Variants in NELL1 observed in about 807,000 individuals in gnomAD.
NELL1 encodes protein kinase C-binding protein NELL1.
Under a neutral mutation model 107.4 loss-of-function variants are expected in NELL1, and 76 were observed. The ratio of observed to expected loss-of-function variants is 0.71; its 90% CI spans 0.59 to 0.86. The LOEUF is 0.86. Among genes scored for constraint, NELL1 ranks in the 40% least tolerant of loss-of-function variants. The pLI, the probability that NELL1 is intolerant of heterozygous loss-of-function variation, is 0.00. For missense variants in NELL1, 1,024 were observed against 1,005.5 expected, an observed-to-expected ratio of 1.02 and a Z score of -0.25; for synonymous variants, 353 against 341.2, an observed-to-expected ratio of 1.03 and a Z score of -0.38.
chr11:21,562,969 G>A (rs1276532541), intron 17 of NELL1, among the ~76,000 whole-genome samples: 1 of 152,090 alleles, frequency 6.6e-6, no homozygotes, highest in Non-Finnish European at 1.5e-5. Flanking sequence ...AGCTAGGCTA[G>A]CATAAATGGA....
chr11:20,724,698 C>CT (rs1281732383), intron 2 of NELL1, among the ~76,000 whole-genome samples: 2 of 152,130 alleles, frequency 1.3e-5, no homozygotes, highest in Non-Finnish European at 2.9e-5. Flanking sequence ...CCCACATCTT[C>CT]TTTTTTTCTT....
intron 14 of NELL1, among the ~76,000 whole-genome samples, chr11:21,324,381 T>A (rs1371340761): frequency 6.6e-6 from 1 of 152,130 alleles, no homozygotes; most frequent in Non-Finnish European, 1.5e-5. Context: ...GGATAAAAAT[T>A]GAAAATAAAG....
chr11:21,360,865 T>C (rs1851060290), intron 14 of NELL1, among the ~76,000 whole-genome samples: 1 of 152,090 alleles, frequency 6.6e-6, no homozygotes, highest in Non-Finnish European at 1.5e-5. Flanking sequence ...GTTAGGTGAG[T>C]CTCTTGAAGA....
chr11:21,306,678 C>T (rs1357759576), intron 14 of NELL1, among the ~76,000 whole-genome samples: 1 of 151,982 alleles, frequency 6.6e-6, no homozygotes, highest in Admixed American at 6.6e-5. Context: ...AAGCTCATTC[C>T]CTCATTTATC....
Position 20,880,028 on chromosome 11 carries a change from C to T in NELL1, c.507-5416C>T, listed in dbSNP as rs569704964. Among the ~76,000 whole-genome samples the T allele has an allele frequency of 3.3e-5, 5 of 151,580 alleles. No homozygotes were observed. The East Asian group carries it at 9.7e-4, about 29-fold the overall frequency. The stretch of plus-strand genomic sequence containing the variant: ...CAGCAACAGAAATGAATTTTTTTTT[C>T]TGTTACATATTAGCTTGTTCTAGCT... On this transcript the variant is annotated intron_variant, in intron 4 of 19. Coordinates refer to ENST00000357134, the MANE Select transcript of NELL1 (RefSeq NM_006157.5).
Position 21,116,907 on chromosome 11 carries a change from C to T in NELL1, c.1426+3193C>T, listed in dbSNP as rs138995611. 5.9e-5 allele frequency among the ~76,000 whole-genome samples: 9 copies of T among 152,108 alleles called. No individual in the cohort carries two copies. The East Asian group carries it at 1.6e-3, about 26-fold the overall frequency. On this transcript the variant is annotated intron_variant, in intron 13 of 19. Coordinates refer to ENST00000357134, the MANE Select transcript of NELL1 (RefSeq NM_006157.5). ...AGAAATCATACAACTCTACTTAAAA[C>T]TTTGATCTAGTGTCTCATTACATGG... is the stretch of plus-strand genomic sequence containing the variant.
intron 12 of NELL1, among the ~76,000 whole-genome samples, chr11:21,060,763 A>G (rs929531316): frequency 6.6e-6 from 1 of 152,138 alleles, no homozygotes. Flanking sequence ...GTGCAATGGC[A>G]TGATCTCCGC....
chr11:21,473,896 A>T (rs966306925), intron 15 of NELL1, among the ~76,000 whole-genome samples: 4 of 152,124 alleles, frequency 2.6e-5, no homozygotes, highest in Non-Finnish European at 1.5e-5. Flanking sequence ...CAACAGATTC[A>T]TGCTTCAAGG....
At chr11:21,097,729 G>A (rs781478076) in intron 12 of NELL1, among the ~76,000 whole-genome samples, 1 of 152,140 alleles carries the variant, frequency 6.6e-6, no homozygotes, top group Non-Finnish European at 1.5e-5. Context: ...GAAGTTAACA[G>A]GCTAAATCCT....
chr11:20,757,468 T>C (rs1408763423), intron 2 of NELL1, among the ~76,000 whole-genome samples: 1 of 152,232 alleles, frequency 6.6e-6, no homozygotes, highest in African/African-American at 2.4e-5. Flanking sequence ...AGCTGGACTC[T>C]TATTATCTTC....
rs777379025 is a variant in NELL1 at position 21,552,319 on chromosome 11, G to GTCT, written c.1787-7868_1787-7866dup. 9.9e-5 allele frequency among the ~76,000 whole-genome samples: 15 copies of GTCT among 151,682 alleles called. No homozygotes were observed. The South Asian group carries it at 1.9e-3, about 19-fold the overall frequency. ...AATAAAAAAGTTAATGTTTGTTTGA[G>GTCT]TCTTTTAATGAGGGTTGGTGAATGG... is the stretch of plus-strand genomic sequence containing the variant. On this transcript the variant is annotated intron_variant, in intron 16 of 19. Coordinates refer to ENST00000357134, the MANE Select transcript of NELL1 (RefSeq NM_006157.5).
At chr11:21,342,061 C>T (rs763749741) in intron 14 of NELL1, among the ~76,000 whole-genome samples, 13 of 152,172 alleles carry the variant, frequency 8.5e-5, no homozygotes, top group Non-Finnish European at 1.3e-4. Context: ...TGGACTGTAA[C>T]TTCTGTAATA....
chr11:21,573,811 G>A (rs1368251812), intron 19 of NELL1, among the ~76,000 whole-genome samples: 8 of 151,626 alleles, frequency 5.3e-5, no homozygotes, highest in Admixed American at 4.6e-4. Flanking sequence ...AAGGAAACCA[G>A]TCAACTTCCT....
chr11:21,291,047 G>C (rs1468268967), intron 14 of NELL1, among the ~76,000 whole-genome samples: 1 of 152,136 alleles, frequency 6.6e-6, no homozygotes, highest in Non-Finnish European at 1.5e-5. Flanking sequence ...AACTCTCTGA[G>C]CTAAAGGAGC....
chr11:21,272,809 C>A (rs193007344), intron 14 of NELL1, among the ~76,000 whole-genome samples: 1,584 of 152,326 alleles, frequency 0.01, 32 homozygotes, highest in African/African-American at 0.037. Flanking sequence ...GAGGGGACCT[C>A]CAGCAAACTC....
chr11:20,728,365 T>A (rs1855555793), intron 2 of NELL1, among the ~76,000 whole-genome samples: 1 of 152,158 alleles, frequency 6.6e-6, no homozygotes. Context: ...TAGGACTTAG[T>A]CATAAATTCT....
intron 15 of NELL1, among the ~76,000 whole-genome samples, chr11:21,375,644 C>G (rs58614844): frequency 0.017 from 2,659 of 152,168 alleles, 89 homozygotes; most frequent in African/African-American, 0.06. Flanking sequence ...TACACAGTAG[C>G]TAAACTAATT....
intron 14 of NELL1, among the ~76,000 whole-genome samples, chr11:21,279,388 C>G (rs1291635591): frequency 1.3e-5 from 2 of 151,936 alleles, no homozygotes; most frequent in Non-Finnish European, 2.9e-5. Context: ...GACTGTTGTC[C>G]GAAATATACA....
At chr11:20,690,205 G>A (rs921943318) in intron 2 of NELL1, among the ~76,000 whole-genome samples, 1 of 152,132 alleles carries the variant, frequency 6.6e-6, no homozygotes, top group Non-Finnish European at 1.5e-5. Context: ...TGAGTAGGTT[G>A]TGAAAATTTT....
Sources: gnomAD v4.1 joint callset for allele counts (sites outside exome capture counted in the v4.1 genomes callset) on GRCh38, gnomAD v4.1.1 for gene constraint, MANE v1.5 for transcripts, NCBI Gene and HGNC (gene_info 2026-07-23, HGNC 2026-07-21) for gene names.